TBL1X: variants seen among roughly 807,000 people sequenced by gnomAD.
TBL1X encodes the protein transducin beta like 1 X-linked.
Under a neutral mutation model 50.7 loss-of-function variants are expected in TBL1X, and 10 were observed. The observed-to-expected ratio is 0.20, with a 90% confidence interval of 0.12 to 0.33. The LOEUF is 0.33. Among genes scored for constraint, TBL1X ranks in the 10% least tolerant of loss-of-function variants. The probability of loss-of-function intolerance (pLI) is 1.00; values close to 1 mark genes in which losing one functional copy is unlikely to be tolerated. For missense variants in TBL1X, 340 were observed against 504.4 expected, an observed-to-expected ratio of 0.67 and a Z score of 3.12; for synonymous variants, 190 against 214.7, an observed-to-expected ratio of 0.88 and a Z score of 1.01.
intron 2 of TBL1X, among the ~76,000 whole-genome samples, chrX:9,614,745 A>G (rs1298254317): frequency 9.0e-6 from 1 of 111,367 alleles, no homozygotes; most frequent in Non-Finnish European, 1.9e-5. Flanking sequence ...TTGCACCATG[A>G]CTATAGAAAC....
intron 2 of TBL1X, among the ~76,000 whole-genome samples, chrX:9,543,823 C>T (rs73631493): frequency 0.071 from 7,946 of 111,545 alleles, 235 homozygotes; most frequent in South Asian, 0.12. Flanking sequence ...TGCCCCTTAA[C>T]GCAGCCAAGA....
At chrX:9,472,278 CT>C (rs2081820003) in intron 1 of TBL1X, among the ~76,000 whole-genome samples, 1 of 108,658 alleles carries the variant, frequency 9.2e-6, no homozygotes, top group African/African-American at 3.4e-5. Flanking sequence ...ATAACAAATA[CT>C]TTATTTATGT....
chrX:9,586,955 C>T (rs2082473284), intron 2 of TBL1X, among the ~76,000 whole-genome samples: 2 of 112,057 alleles, frequency 1.8e-5, no homozygotes, highest in Admixed American at 9.4e-5. Context: ...TGTGCAGGAA[C>T]GATTGCTGAC....
chrX:9,681,117 G>C (rs1244867929), intron 5 of TBL1X, among the ~76,000 whole-genome samples: 1 of 111,911 alleles, frequency 8.9e-6, no homozygotes, highest in Non-Finnish European at 1.9e-5. Flanking sequence ...ACCCAGATGA[G>C]AGAGAAATCA....
chrX:9,695,949 G>A (rs994041572), intron 11 of TBL1X, among the ~76,000 whole-genome samples: 1 of 112,242 alleles, frequency 8.9e-6, no homozygotes, highest in African/African-American at 3.2e-5. Context: ...GGCTGGGTAC[G>A]ATCCACCATC....
chrX:9,629,683 C>T (rs1403038386), intron 2 of TBL1X, among the ~76,000 whole-genome samples: 1 of 111,724 alleles, frequency 9.0e-6, no homozygotes, highest in East Asian at 2.8e-4. Flanking sequence ...CATCGTTTTC[C>T]TTGATTTAAA....
chrX:9,715,848 G>A (rs1234921043), intron 17 of TBL1X, among the ~76,000 whole-genome samples: 1 of 111,925 alleles, frequency 8.9e-6, no homozygotes, highest in African/African-American at 3.3e-5. Flanking sequence ...GGCCGTTCTG[G>A]CTGAACGGCC....
intron 1 of TBL1X, among the ~76,000 whole-genome samples, chrX:9,467,039 C>T (rs770049222): frequency 1.8e-5 from 2 of 112,297 alleles, no homozygotes; most frequent in African/African-American, 3.2e-5. Flanking sequence ...GAACTTCTCT[C>T]TGTCAGTGGT....
chrX:9,465,247 G>A lies in TBL1X; in HGVS notation c.-401G>A, dbSNP rs946928492. On this transcript the variant is annotated 5_prime_UTR_variant, in exon 1 of 18. Coordinates refer to ENST00000645353, the MANE Select transcript of TBL1X (RefSeq NM_005647.4). ...CGCCCTCAGGCCGCCATTCGCCACC[G>A]AAACTTTCCAGCGCCCGCGCTCTCT... 3 of 106,476 alleles carry A rather than the reference G, an allele frequency of 2.8e-5. No individual in the cohort carries two copies. Among genetic ancestry groups the A allele is most frequent in the Non-Finnish European group, 5.9e-5 (3 of 50,930 alleles). The allele number at this position is 106,476 out of a possible 1,213,427, so 8.8% of individuals were successfully genotyped here.
At chrX:9,631,106 C>T (rs957488106) in intron 2 of TBL1X, among the ~76,000 whole-genome samples, 4 of 111,456 alleles carry the variant, frequency 3.6e-5, no homozygotes, top group Admixed American at 2.9e-4. Flanking sequence ...TTCACAATCT[C>T]GGCCTCTTAT....
At chrX:9,686,168 C>T (rs2083058249) in intron 6 of TBL1X, among the ~76,000 whole-genome samples, 1 of 111,704 alleles carries the variant, frequency 9.0e-6, no homozygotes, top group Non-Finnish European at 1.9e-5. Flanking sequence ...TCCTTCTGGC[C>T]CTGTCTAGTT....
intron 16 of TBL1X, 56 bp from the exon 17 acceptor site, chrX:9,714,846 C>T (rs2083268616): frequency 5.5e-6 from 6 of 1,099,621 alleles, no homozygotes; most frequent in Middle Eastern, 4.8e-4. Flanking sequence ...CATTCCACAC[C>T]TGCATCTGTC....
intron 5 of TBL1X, among the ~76,000 whole-genome samples, chrX:9,674,382 C>G (rs1016262509): frequency 1.8e-5 from 2 of 110,365 alleles, no homozygotes; most frequent in Admixed American, 1.9e-4. Flanking sequence ...ACCTCAGTCT[C>G]CCCAAGTAGC....
At chrX:9,613,733 C>T (rs994281791) in intron 2 of TBL1X, among the ~76,000 whole-genome samples, 4 of 110,839 alleles carry the variant, frequency 3.6e-5, no homozygotes, top group African/African-American at 1.3e-4. Context: ...CACCTGTAAT[C>T]CCAGCACTTT....
intron 2 of TBL1X, among the ~76,000 whole-genome samples, chrX:9,587,305 C>T (rs757605032): frequency 2.6e-4 from 29 of 112,066 alleles, no homozygotes; most frequent in Admixed American, 2.3e-3. Flanking sequence ...CAGTGACTTC[C>T]ATGAAAACAC....
At chrX:9,654,943 A>G (rs1290084005) in intron 5 of TBL1X, among the ~76,000 whole-genome samples, 3 of 110,959 alleles carry the variant, frequency 2.7e-5, no homozygotes, top group Admixed American at 9.6e-5. Context: ...CTTAGAAGAT[A>G]TGTAATTTAA....
intron 1 of TBL1X, among the ~76,000 whole-genome samples, chrX:9,488,410 C>T (rs1249706636): frequency 1.8e-5 from 2 of 111,442 alleles, no homozygotes; most frequent in African/African-American, 6.5e-5. Flanking sequence ...CCTCCATCTG[C>T]AGAGGAGCAG....
At chrX:9,496,160 C>G in intron 1 of TBL1X, among the ~76,000 whole-genome samples, 1 of 112,148 alleles carries the variant, frequency 8.9e-6, no homozygotes, top group East Asian at 2.8e-4. Context: ...GGAAAGCGTG[C>G]GGTGAGGAGG....
intron 2 of TBL1X, among the ~76,000 whole-genome samples, chrX:9,511,821 G>A (rs1237738048): frequency 8.9e-6 from 1 of 112,157 alleles, no homozygotes; most frequent in Admixed American, 9.4e-5. Context: ...TAGTCATTTG[G>A]GAAGAAAATG....
Sources: gnomAD v4.1 joint callset for allele counts (sites outside exome capture counted in the v4.1 genomes callset) on GRCh38, gnomAD v4.1.1 for gene constraint, MANE v1.5 for transcripts, NCBI Gene and HGNC (gene_info 2026-07-23, HGNC 2026-07-21) for gene names.